Variants in FEZ2 observed in about 807,000 individuals in gnomAD.
The protein encoded by FEZ2 is fasciculation and elongation protein zeta 2, also known as fasciculation and elongation protein zeta-2.
Under a neutral mutation model 40.4 loss-of-function variants are expected in FEZ2, and 51 were observed. That is an observed-to-expected ratio of 1.26 (90% CI 1.01 to 1.59). The LOEUF (loss-of-function observed/expected upper bound fraction) is 1.59, where lower values mean the gene tolerates loss of function less well. Ranked by LOEUF, FEZ2 falls within the 40% of genes most tolerant of loss-of-function variation. The probability of loss-of-function intolerance (pLI) is 0.00; values close to 1 mark genes in which losing one functional copy is unlikely to be tolerated. For missense variants in FEZ2, 640 were observed against 438.3 expected (o/e 1.46, Z -4.11); for synonymous variants, 242 against 172.0 (o/e 1.41, Z -3.18).
chr2:36,597,371 T>C (rs950894108), intron 1 of FEZ2, among the ~76,000 whole-genome samples: 25 of 152,232 alleles, frequency 1.6e-4, no homozygotes, highest in Admixed American at 9.8e-4. Context: ...CATATAACCA[T>C]TGCAGCGCTA....
At chr2:36,595,795 T>A (rs34220444) in intron 1 of FEZ2, among the ~76,000 whole-genome samples, 42,998 of 152,110 alleles carry the variant, frequency 0.28, 6,581 homozygotes, top group Middle Eastern at 0.36. Context: ...TCATATGCAT[T>A]CCCAAGTCAA....
At position 36,578,849 on chromosome 2, in the gene FEZ2, T is replaced by G; in HGVS notation, c.651A>C (p.Ser217=). ...GSYEERVKRL[S]VSELNEILEE... is the part of the protein sequence containing the mutation. ...CCAGGATTTCATTTAACTCAGACAC[T>G]GAGAGCCTTTTCACTCCTGTGACCA... Residue 217 remains serine (S), a synonymous_variant, in exon 5 of 8, where the codon TCA becomes TCC. Coordinates refer to ENST00000405912, the MANE Select transcript of FEZ2 (RefSeq NM_005102.3). 6.2e-7 allele frequency: 1 copy of G among 1,610,256 alleles called. No homozygotes were observed. The highest frequency in any genetic ancestry group is 2.2e-5 in the East Asian group (1 of 44,862).
chr2:36,569,124 AAAT>A (rs752986578), intron 5 of FEZ2, among the ~76,000 whole-genome samples: 3 of 152,224 alleles, frequency 2.0e-5, no homozygotes, highest in Non-Finnish European at 4.4e-5. Context: ...TATGAAATGG[AAAT>A]AATAACAATA....
At chr2:36,580,548 AG>A (rs1668707668) in intron 4 of FEZ2, among the ~76,000 whole-genome samples, 1 of 152,240 alleles carries the variant, frequency 6.6e-6, no homozygotes, top group Non-Finnish European at 1.5e-5. Flanking sequence ...TCAACTGTAG[AG>A]TTTCTAGAGT....
Position 36,597,930 on chromosome 2 carries a change from G to A in FEZ2, c.213C>T (p.Pro71=), listed in dbSNP as rs559312556. The A allele has an allele frequency of 5.6e-6, 8 of 1,437,708 alleles. No homozygotes were observed. The African/African-American group carries it at 8.9e-5, about 16-fold the overall frequency. The allele number at this position is 1,437,708 out of a possible 1,614,324, so 89.1% of individuals were successfully genotyped here. ...TGATGGGCCGCACGGCCGTCCTCGG[G>A]GGCTCGGCGCCCGGATCCGAGGGGC... The part of the protein sequence containing the change: ...CFRPSDPGAE[P]PRTAVRPITE... Residue 71 remains proline, a synonymous_variant, in exon 1 of 8, where the codon CCC becomes CCT. Coordinates refer to ENST00000405912, the MANE Select transcript of FEZ2 (RefSeq NM_005102.3).
intron 1 of FEZ2, 107 bp from the exon 2 acceptor site, chr2:36,591,118 A>T: frequency 1.4e-6 from 1 of 714,134 alleles, no homozygotes; most frequent in South Asian, 1.7e-5. Context: ...AAACAGAGAA[A>T]AACAGACAGC....
intron 7 of FEZ2, chr2:36,555,349 C>T (rs553753910): frequency 2.9e-4 from 53 of 185,900 alleles, no homozygotes; most frequent in African/African-American, 1.2e-3. Flanking sequence ...AGAGACCACC[C>T]TTCTCAAATT....
chr2:36,585,896 A>C (rs549720810), intron 2 of FEZ2, among the ~76,000 whole-genome samples: 1 of 152,352 alleles, frequency 6.6e-6, no homozygotes, highest in Admixed American at 6.5e-5. Context: ...TGAGAAAATA[A>C]TATCAAGTAA....
chr2:36,578,266 CT>C (rs1558452005), intron 5 of FEZ2, among the ~76,000 whole-genome samples: 1 of 152,218 alleles, frequency 6.6e-6, no homozygotes, highest in African/African-American at 2.4e-5. Context: ...TACATAACCA[CT>C]CTTCACATTT....
At chr2:36,586,820 G>A (rs750247393) in intron 2 of FEZ2, among the ~76,000 whole-genome samples, 5 of 152,144 alleles carry the variant, frequency 3.3e-5, no homozygotes, top group East Asian at 1.9e-4. Flanking sequence ...GGCGGTACTC[G>A]TGTGTAGTCT....
chr2:36,564,878 G>A lies in FEZ2; in HGVS notation c.904-6365C>T, dbSNP rs566952819. Among the ~76,000 whole-genome samples the A allele has an allele frequency of 4.2e-4, 64 of 152,302 alleles. 1 individual carries two copies. Among genetic ancestry groups the A allele is most frequent in the African/African-American group, 1.5e-3 (63 of 41,578 alleles). ...CATTCTCTCCTCCTTTTTATAAGAT[G>A]TTATTGCAGCAACCCTGTCTTCTCT... is the stretch of plus-strand genomic sequence containing the variant. On this transcript the variant is annotated intron_variant, in intron 5 of 7. Coordinates refer to ENST00000405912, the MANE Select transcript of FEZ2 (RefSeq NM_005102.3).
intron 3 of FEZ2, among the ~76,000 whole-genome samples, chr2:36,582,013 G>C (rs1668764960): frequency 6.6e-6 from 1 of 151,996 alleles, no homozygotes; most frequent in Admixed American, 6.6e-5. Flanking sequence ...AAAAGTAGAA[G>C]TCCAAAGAGA....
Position 36,598,062 on chromosome 2 carries a change from G to T in FEZ2, c.81C>A (p.Asn27Lys). The change falls in exon 1 of 8, where the codon AAC becomes AAA. Residue 27 changes from asparagine (N) to lysine (K), a missense_variant. Physicochemically the swap from Asn to Lys is moderately conservative, Grantham distance 94. Coordinates refer to ENST00000405912, the MANE Select transcript of FEZ2 (RefSeq NM_005102.3). Reference sequence around the variant, plus strand: ...CCTCCGCCCCAGGCTCGGGGCTCGCGTTACAGTTCTCCTGGTCCAGGAGGC... The same window carrying T: ...CCTCCGCCCCAGGCTCGGGGCTCGCTTTACAGTTCTCCTGGTCCAGGAGGC... ...ARSLLDQENCNASPEPGAEAG... is the reference protein window; with the variant it reads ...ARSLLDQENCKASPEPGAEAG... 6.7e-7 allele frequency: 1 copy of T among 1,491,344 alleles called. No individual in the cohort carries two copies. Among genetic ancestry groups the T allele is most frequent in the Non-Finnish European group, 8.9e-7 (1 of 1,126,780 alleles). The allele number at this position is 1,491,344 out of a possible 1,614,324, so 92.4% of individuals were successfully genotyped here.
intron 2 of FEZ2, among the ~76,000 whole-genome samples, chr2:36,583,824 C>T (rs1390137294): frequency 2.0e-5 from 3 of 152,198 alleles, no homozygotes; most frequent in African/African-American, 7.2e-5. Context: ...TAGACGTTAA[C>T]ATTCTAAAGA....
At chr2:36,573,764 T>G (rs140701332) in intron 5 of FEZ2, among the ~76,000 whole-genome samples, 6 of 152,328 alleles carry the variant, frequency 3.9e-5, no homozygotes, top group African/African-American at 1.4e-4. Context: ...ATAAACATAA[T>G]AGGCAACTCA....
At chr2:36,583,328 GC>G (rs199631871) in intron 3 of FEZ2, 24 bp downstream of exon 3, 30,895 of 1,209,816 alleles carry the variant, frequency 0.026, 736 homozygotes, top group South Asian at 0.092. Context: ...TCCTTTCCTT[GC>G]GTTGCTGAGG....
At chr2:36,572,662 A>G (rs1275712740) in intron 5 of FEZ2, among the ~76,000 whole-genome samples, 1 of 152,206 alleles carries the variant, frequency 6.6e-6, no homozygotes, top group African/African-American at 2.4e-5. Flanking sequence ...ACAGGTGAAG[A>G]GTTGATTTAG....
intron 3 of FEZ2, among the ~76,000 whole-genome samples, chr2:36,582,979 C>T (rs1668796337): frequency 6.6e-6 from 1 of 152,144 alleles, no homozygotes; most frequent in South Asian, 2.1e-4. Context: ...ATGCTTTTTA[C>T]CCAGGGTTTT....
chr2:36,597,521 G>T (rs534532991), intron 1 of FEZ2, among the ~76,000 whole-genome samples: 1 of 152,260 alleles, frequency 6.6e-6, no homozygotes, highest in African/African-American at 2.4e-5. Flanking sequence ...TAATAAATGC[G>T]ACTTGAGTGA....
Sources: allele counts gnomAD v4.1 joint callset (sites outside exome capture counted in the v4.1 genomes callset), GRCh38; gene constraint gnomAD v4.1.1; transcripts MANE v1.5; gene names NCBI Gene and HGNC (gene_info 2026-07-23, HGNC 2026-07-21).